Variants in CHN2 observed in about 807,000 individuals in gnomAD.
CHN2 encodes the protein chimerin 2.
CHN2 carries 35 observed loss-of-function variants against 56.3 expected under a neutral mutation model. That is an observed-to-expected ratio of 0.62 (90% CI 0.47 to 0.82). CHN2 has a LOEUF of 0.82. CHN2 is among the 40% of genes least tolerant of loss of function. The pLI is 0.00. For synonymous variants in CHN2, 210 were observed against 212.8 expected, an observed-to-expected ratio of 0.99 and a Z score of 0.12; for missense variants, 491 against 580.5, an observed-to-expected ratio of 0.85 and a Z score of 1.58.
chr7:29,503,907 G>C (rs1355227756), intron 9 of CHN2, among the ~76,000 whole-genome samples: 1 of 152,112 alleles, frequency 6.6e-6, no homozygotes, highest in African/African-American at 2.4e-5. Context: ...TCATACTTTT[G>C]GGAACTGACT....
chr7:29,280,094 G>A (rs1791562450), intron 1 of CHN2, among the ~76,000 whole-genome samples: 1 of 152,044 alleles, frequency 6.6e-6, no homozygotes, highest in Admixed American at 6.6e-5. Context: ...TTAAAATAGG[G>A]AAAAGGAGGC....
intron 6 of CHN2, among the ~76,000 whole-genome samples, chr7:29,476,965 G>A (rs1455957068): frequency 6.6e-6 from 1 of 152,142 alleles, no homozygotes; most frequent in Non-Finnish European, 1.5e-5. Context: ...GAAGAAGACG[G>A]TCAGCAAATG....
At chr7:29,400,076 G>C (rs1253953581) in intron 5 of CHN2, among the ~76,000 whole-genome samples, 1 of 152,150 alleles carries the variant, frequency 6.6e-6, no homozygotes, top group Admixed American at 6.5e-5. Flanking sequence ...TAACAAGGGG[G>C]CATCAGGACC....
At chr7:29,429,649 G>A (rs1006327340) in intron 6 of CHN2, among the ~76,000 whole-genome samples, 8 of 152,114 alleles carry the variant, frequency 5.3e-5, no homozygotes, top group African/African-American at 1.7e-4. Context: ...TCAGTTCCCT[G>A]GAAAATGTGA....
At chr7:29,398,528 G>A in intron 5 of CHN2, 42 bp downstream of exon 5, 1 of 1,255,438 alleles carries the variant, frequency 8.0e-7, no homozygotes. Context: ...CTGTACAAGT[G>A]GCTTCACTGA....
intron 6 of CHN2, among the ~76,000 whole-genome samples, chr7:29,476,792 A>C (rs1786641101): frequency 6.6e-6 from 1 of 152,150 alleles, no homozygotes; most frequent in Non-Finnish European, 1.5e-5. Flanking sequence ...AATGCCACTG[A>C]ACATCCTGCA....
intron 6 of CHN2, among the ~76,000 whole-genome samples, chr7:29,416,167 C>T (rs573537254): frequency 1.4e-4 from 21 of 152,304 alleles, no homozygotes; most frequent in African/African-American, 3.4e-4. Flanking sequence ...AATGAATTAG[C>T]GTGTTTGCAT....
intron 3 of CHN2, among the ~76,000 whole-genome samples, chr7:29,388,387 C>G (rs1360971568): frequency 1.3e-5 from 2 of 152,230 alleles, no homozygotes; most frequent in African/African-American, 4.8e-5. Flanking sequence ...CCTAACCCTT[C>G]CTTCTATACA....
intron 1 of CHN2, among the ~76,000 whole-genome samples, chr7:29,242,731 A>G (rs1346366083): frequency 6.7e-6 from 1 of 149,938 alleles, no homozygotes; most frequent in African/African-American, 2.5e-5. Flanking sequence ...TATAGTCTGG[A>G]AAAATATACA....
At chr7:29,395,312 C>T (rs1585251768) in intron 4 of CHN2, among the ~76,000 whole-genome samples, 1 of 152,282 alleles carries the variant, frequency 6.6e-6, no homozygotes, top group Non-Finnish European at 1.5e-5. Context: ...CACTTGTGCT[C>T]AGGAGATTAA....
chr7:29,223,540 T>A (rs888286776), intron 1 of CHN2, among the ~76,000 whole-genome samples: 1 of 152,142 alleles, frequency 6.6e-6, no homozygotes, highest in African/African-American at 2.4e-5. Flanking sequence ...CTTTCATATT[T>A]GGGTTATTTT....
chr7:29,348,824 T>C (rs1797666977), intron 1 of CHN2, among the ~76,000 whole-genome samples: 1 of 152,156 alleles, frequency 6.6e-6, no homozygotes, highest in South Asian at 2.1e-4. Context: ...ATAAGCAATA[T>C]ATACAGAAAA....
chr7:29,428,020 T>G (rs1176977198), intron 6 of CHN2, among the ~76,000 whole-genome samples: 1 of 152,134 alleles, frequency 6.6e-6, no homozygotes, highest in African/African-American at 2.4e-5. Flanking sequence ...GAGAAATATT[T>G]GGGTAAGGTT....
chr7:29,392,502 C>T (rs1209286937), intron 3 of CHN2, among the ~76,000 whole-genome samples: 1 of 152,168 alleles, frequency 6.6e-6, no homozygotes, highest in Non-Finnish European at 1.5e-5. Flanking sequence ...GAGTAATTCT[C>T]AGGTGTAAAA....
At chr7:29,481,729 T>C (rs1387083534) in intron 7 of CHN2, among the ~76,000 whole-genome samples, 1 of 151,724 alleles carries the variant, frequency 6.6e-6, no homozygotes, top group Non-Finnish European at 1.5e-5. Context: ...AAGAAAGTGT[T>C]TTTTTGATTT....
chr7:29,174,595 C>G (rs1797031363), intron 2 of CHN2, among the ~76,000 whole-genome samples: 1 of 152,200 alleles, frequency 6.6e-6, no homozygotes, highest in South Asian at 2.1e-4. Flanking sequence ...GGTGCAGTGA[C>G]TCACGCCTGT....
intron 6 of CHN2, among the ~76,000 whole-genome samples, chr7:29,447,973 G>A (rs1305769046): frequency 6.6e-6 from 1 of 152,150 alleles, no homozygotes; most frequent in Non-Finnish European, 1.5e-5. Flanking sequence ...TGAGGCCCAA[G>A]CATCCGTATT....
At position 29,504,717 on chromosome 7, in the gene CHN2, G is replaced by A. The variant is rs755550283; in HGVS notation, c.914-27G>A. On this transcript the variant is annotated intron_variant, in intron 9 of 12. Coordinates refer to ENST00000222792, the MANE Select transcript of CHN2 (RefSeq NM_004067.4). Reference sequence around the variant, plus strand: ...TTTTTAGATGTTTCAAGAAGCTAAAGTCAGTCTCTCTCTCTCTCTCTAACA... The same window carrying A: ...TTTTTAGATGTTTCAAGAAGCTAAAATCAGTCTCTCTCTCTCTCTCTAACA... 5.0e-5 allele frequency: 68 copies of A among 1,355,116 alleles called. No homozygotes were observed. In the African/African-American group the frequency reaches 7.8e-4, roughly 16 times the overall value. The allele number at this position is 1,355,116 out of a possible 1,614,324, so 83.9% of individuals were successfully genotyped here. A position where few individuals can be genotyped will look rare whatever the true frequency, so the allele number is the denominator to read the frequency against.
At chr7:29,328,408 G>A (rs10241387) in intron 1 of CHN2, among the ~76,000 whole-genome samples, 138,178 of 152,164 alleles carry the variant, frequency 0.91, 62,928 homozygotes, top group East Asian at 1. Flanking sequence ...GATATAACAA[G>A]AGCATTTCTT....
Sources: gnomAD v4.1 joint callset for allele counts (sites outside exome capture counted in the v4.1 genomes callset) on GRCh38, gnomAD v4.1.1 for gene constraint, MANE v1.5 for transcripts, NCBI Gene and HGNC (gene_info 2026-07-23, HGNC 2026-07-21) for gene names.